CCDC192: variants seen among roughly 807,000 people sequenced by gnomAD.
CCDC192 encodes the protein coiled-coil domain containing 192.
chr5:127,728,717 A>T (rs1752471558), intron 2 of CCDC192, among the ~76,000 whole-genome samples: 1 of 152,328 alleles, frequency 6.6e-6, no homozygotes, highest in Admixed American at 6.5e-5. Flanking sequence ...AAATGTAAAT[A>T]GGCTAAGTGC....
At chr5:127,930,059 C>G (rs1229854382) in intron 6 of CCDC192, among the ~76,000 whole-genome samples, 2 of 152,098 alleles carry the variant, frequency 1.3e-5, no homozygotes. Context: ...CAAAGTTAGC[C>G]AGGTGTGGTG....
rs190646943 is a variant in CCDC192 at position 127,914,155 on chromosome 5, T to A, written c.536-27027T>A. On this transcript the variant is annotated intron_variant, in intron 6 of 6. Coordinates refer to ENST00000514853, the MANE Select transcript of CCDC192 (RefSeq NM_001317938.2). ...GTGATAATGAATTTCATGGAGAAAA[T>A]AAGGCTCACATTTTTTGGATGTGGA... Among the ~76,000 whole-genome samples, 11 of 152,228 alleles carry A rather than the reference T, an allele frequency of 7.2e-5. No individual in the cohort carries two copies. The East Asian group carries it at 2.1e-3, about 29-fold the overall frequency.
intron 2 of CCDC192, among the ~76,000 whole-genome samples, chr5:127,729,203 G>A (rs1404033386): frequency 6.6e-6 from 1 of 152,054 alleles, no homozygotes; most frequent in African/African-American, 2.4e-5. Flanking sequence ...CACTGAAACT[G>A]GCTGCAATCC....
rs561232839 is a variant in CCDC192, at chr5:127,718,095, G to C, written c.114+10335G>C. 2.6e-5 allele frequency among the ~76,000 whole-genome samples: 4 copies of C among 152,132 alleles called. No individual in the cohort carries two copies. In the South Asian group the frequency reaches 8.3e-4, roughly 32 times the overall value. ...ATCTTAGTGATTTAAAATGAGGTTG[G>C]CCAAATATCTGGGAAGTGTCCTTTA... On this transcript the variant is annotated intron_variant, in intron 2 of 6. Transcript: ENST00000514853.
chr5:127,816,030 T>G (rs552836119), intron 5 of CCDC192, among the ~76,000 whole-genome samples: 85 of 152,236 alleles, frequency 5.6e-4, no homozygotes, highest in African/African-American at 2.0e-3. Flanking sequence ...CCATCATTGG[T>G]TAGATAAAGC....
At chr5:127,900,608 T>C (rs1304600340) in intron 6 of CCDC192, among the ~76,000 whole-genome samples, 1 of 152,218 alleles carries the variant, frequency 6.6e-6, no homozygotes, top group Non-Finnish European at 1.5e-5. Context: ...TAAATGAAAC[T>C]AGCACAAATG....
chr5:127,894,438 G>A (rs1421803131), intron 6 of CCDC192, among the ~76,000 whole-genome samples: 5 of 151,932 alleles, frequency 3.3e-5, no homozygotes, highest in South Asian at 4.2e-4. Context: ...TGATCCACCC[G>A]CCTCGGCCTC....
At chr5:127,914,048 A>G (rs992573051) in intron 6 of CCDC192, among the ~76,000 whole-genome samples, 1 of 152,202 alleles carries the variant, frequency 6.6e-6, no homozygotes, top group Non-Finnish European at 1.5e-5. Flanking sequence ...AATTATGATA[A>G]CTTGGTAAAT....
intron 3 of CCDC192, among the ~76,000 whole-genome samples, chr5:127,792,637 T>C (rs1756937941): frequency 6.6e-6 from 1 of 150,988 alleles, no homozygotes; most frequent in South Asian, 2.1e-4. Context: ...GCCCAGTAGA[T>C]AGAGGTTGCA....
At chr5:127,709,003 A>G (rs1024089601) in intron 2 of CCDC192, among the ~76,000 whole-genome samples, 2 of 151,572 alleles carry the variant, frequency 1.3e-5, no homozygotes, top group Non-Finnish European at 2.9e-5. Flanking sequence ...GCTGTACGGG[A>G]AGTATAGTGG....
chr5:127,900,483 A>G (rs978419842), intron 6 of CCDC192, among the ~76,000 whole-genome samples: 4 of 152,224 alleles, frequency 2.6e-5, no homozygotes, highest in African/African-American at 9.6e-5. Context: ...GTCTTGGGAA[A>G]TACGATCTGC....
chr5:127,812,882 T>A (rs1758155874), intron 5 of CCDC192, among the ~76,000 whole-genome samples: 1 of 152,212 alleles, frequency 6.6e-6, no homozygotes, highest in Non-Finnish European at 1.5e-5. Flanking sequence ...CCTCCACCTT[T>A]GCTGCCCTAA....
intron 6 of CCDC192, among the ~76,000 whole-genome samples, chr5:127,924,902 A>T (rs370334464): frequency 7.2e-4 from 109 of 152,102 alleles, no homozygotes; most frequent in African/African-American, 2.6e-3. Flanking sequence ...CCCCCTCTTT[A>T]CTCCTATCTC....
chr5:127,866,817 G>T (rs1212413001), intron 5 of CCDC192, among the ~76,000 whole-genome samples: 2 of 152,090 alleles, frequency 1.3e-5, no homozygotes, highest in Non-Finnish European at 2.9e-5. Context: ...CAAGAAAGCT[G>T]CAGTTTTTAA....
intron 2 of CCDC192, among the ~76,000 whole-genome samples, chr5:127,719,524 TAC>T (rs1438306665): frequency 3.4e-5 from 3 of 88,236 alleles, no homozygotes; most frequent in East Asian, 3.2e-4. Context: ...TATATATATA[TAC>T]ACACATACAT....
intron 5 of CCDC192, among the ~76,000 whole-genome samples, chr5:127,811,941 A>C (rs780059164): frequency 6.6e-6 from 1 of 152,174 alleles, no homozygotes; most frequent in African/African-American, 2.4e-5. Flanking sequence ...GAAATTCTTG[A>C]GTATAAACTG....
At chr5:127,887,190 G>A (rs916392152) in intron 6 of CCDC192, among the ~76,000 whole-genome samples, 14 of 151,966 alleles carry the variant, frequency 9.2e-5, no homozygotes, top group African/African-American at 3.1e-4. Flanking sequence ...TTAACTGGGT[G>A]TGGTGGTGCA....
intron 3 of CCDC192, among the ~76,000 whole-genome samples, chr5:127,795,643 C>T (rs575142615): frequency 5.3e-5 from 8 of 151,998 alleles, no homozygotes; most frequent in East Asian, 3.9e-4. Context: ...TGCAATGGCG[C>T]GATTTTGGCT....
chr5:127,884,029 A>G (rs1262435100), intron 6 of CCDC192, among the ~76,000 whole-genome samples: 5 of 152,058 alleles, frequency 3.3e-5, no homozygotes, highest in Non-Finnish European at 7.4e-5. Context: ...TCTATAGTGA[A>G]CATTTGTTGT....
Sources: gnomAD v4.1 joint callset for allele counts (sites outside exome capture counted in the v4.1 genomes callset) on GRCh38, gnomAD v4.1.1 for gene constraint, MANE v1.5 for transcripts, NCBI Gene and HGNC (gene_info 2026-07-23, HGNC 2026-07-21) for gene names.